Variants in SEC23A observed in about 807,000 individuals in gnomAD.
SEC23A encodes the protein SEC23 homolog A, COPII component, also known as protein transport protein Sec23A.
A neutral mutation model predicts 103.7 loss-of-function variants in SEC23A; 56 were observed. That is an observed-to-expected ratio of 0.54 (90% CI 0.44 to 0.67). SEC23A has a LOEUF of 0.67. Among genes scored for constraint, SEC23A ranks in the 30% least tolerant of loss-of-function variants. The probability of loss-of-function intolerance (pLI) is 0.00; values close to 1 mark genes in which losing one functional copy is unlikely to be tolerated. For synonymous variants in SEC23A, 281 were observed against 293.0 expected (o/e 0.96, Z 0.42); for missense variants, 784 against 936.4 (o/e 0.84, Z 2.12).
chr14:39,072,786 C>G (rs1886883166), intron 9 of SEC23A, among the ~76,000 whole-genome samples: 1 of 152,104 alleles, frequency 6.6e-6, no homozygotes, highest in South Asian at 2.1e-4. Context: ...GCACTCCAGC[C>G]TCAGTAACAG....
chr14:39,038,245 A>T (rs1422785791), intron 19 of SEC23A, among the ~76,000 whole-genome samples: 1 of 151,988 alleles, frequency 6.6e-6, no homozygotes, highest in Non-Finnish European at 1.5e-5. Flanking sequence ...CTTTTTTCTG[A>T]GCTCTTTTCT....
chr14:39,035,312 T>A (rs1203335261), intron 19 of SEC23A, among the ~76,000 whole-genome samples: 2 of 152,222 alleles, frequency 1.3e-5, no homozygotes, highest in Non-Finnish European at 2.9e-5. Flanking sequence ...ACCTGAGCAC[T>A]CTTATTTATG....
At chr14:39,096,594 C>T (rs1887901861) in intron 1 of SEC23A, among the ~76,000 whole-genome samples, 2 of 151,728 alleles carry the variant, frequency 1.3e-5, no homozygotes. Flanking sequence ...GCAAGCAACT[C>T]ATAACAAAAT....
At chr14:39,093,385 T>C (rs1201486635) in intron 2 of SEC23A, 141 bp from the exon 3 acceptor site, 2 of 631,280 alleles carry the variant, frequency 3.2e-6, no homozygotes, top group East Asian at 3.0e-5. Flanking sequence ...AAAAGCCATG[T>C]AGTTTTAGAT....
At chr14:39,083,826 C>T (rs543189816) in intron 7 of SEC23A, among the ~76,000 whole-genome samples, 10 of 151,254 alleles carry the variant, frequency 6.6e-5, no homozygotes, top group South Asian at 2.1e-4. Flanking sequence ...CGGCCTCCCA[C>T]GATGCTGGGA....
At chr14:39,098,004 G>A (rs1467056659) in intron 1 of SEC23A, among the ~76,000 whole-genome samples, 6 of 151,908 alleles carry the variant, frequency 3.9e-5, no homozygotes, top group Non-Finnish European at 7.4e-5. Context: ...CAGGAGAATC[G>A]CTTGAACTGG....
In SEC23A at chr14:39,075,953, A is replaced by T. The variant is rs777066571; in HGVS notation, c.969T>A (p.Tyr323Ter). The T allele has an allele frequency of 3.7e-6, 6 of 1,614,036 alleles. No homozygotes were observed. Among genetic ancestry groups the T allele is most frequent in the Non-Finnish European group, 5.1e-6 (6 of 1,179,958 alleles). The change falls in exon 8 of 20, where the codon TAT becomes TAA. Residue 323 changes from tyrosine (Y) to a stop codon, truncating the protein, a stop_gained. Transcript: ENST00000307712. LOFTEE classifies it high-confidence loss of function. The part of the protein sequence containing the change: ...WHDIDKDNAK[Y>*]VKKGTKHFEA... ...AAATTACCTTAGTTCCCTTTTTAACATATTTGGCATTGTCTTTGTCAATGT... is the reference window on the plus strand; with the variant it reads ...AAATTACCTTAGTTCCCTTTTTAACTTATTTGGCATTGTCTTTGTCAATGT...
chr14:39,038,961 AG>A (rs1445317832), intron 19 of SEC23A, 69 bp downstream of exon 19: 24 of 1,305,044 alleles, frequency 1.8e-5, no homozygotes. Context: ...AAAAAAATGT[AG>A]CTTTCACTAA....
rs775566333 is a variant in SEC23A, at chr14:39,045,151, T to A, written c.1899+12A>T. 6.4e-5 allele frequency: 103 copies of A among 1,612,424 alleles called. No homozygotes were observed. The highest frequency in any genetic ancestry group is 7.9e-5 in the Non-Finnish European group (93 of 1,178,860). On this transcript the variant is annotated intron_variant, in intron 16 of 19. Transcript: ENST00000307712. ...GTAACAAGACCAATTTATTTTTTTC[T>A]GTCCCTCTTACCTCTGGTGGTCCAC...
At chr14:39,047,336 C>G in intron 15 of SEC23A, 1 of 1,230,392 alleles carries the variant, frequency 8.1e-7, no homozygotes. Context: ...GTTTCTGCTA[C>G]AAAAATGACA....
At chr14:39,078,249 T>C (rs1887107379) in intron 7 of SEC23A, among the ~76,000 whole-genome samples, 1 of 151,840 alleles carries the variant, frequency 6.6e-6, no homozygotes, top group African/African-American at 2.4e-5. Flanking sequence ...AACTAGACTC[T>C]TGTCTCAAAA....
intron 2 of SEC23A, among the ~76,000 whole-genome samples, chr14:39,094,249 CATATACATATATATGCATAT>C (rs1566514309): frequency 1.8e-4 from 17 of 95,860 alleles, no homozygotes; most frequent in African/African-American, 6.5e-4. Flanking sequence ...CATATATACA[CATATACATATATATGCATAT>C]ATACACATAT....
intron 13 of SEC23A, among the ~76,000 whole-genome samples, chr14:39,061,516 C>T (rs1886477726): frequency 6.6e-6 from 1 of 151,960 alleles, no homozygotes; most frequent in Non-Finnish European, 1.5e-5. Flanking sequence ...TCTCCTCTCA[C>T]AGGAATGAGG....
At chr14:39,071,999 C>T (rs1233230800) in intron 9 of SEC23A, among the ~76,000 whole-genome samples, 1 of 151,364 alleles carries the variant, frequency 6.6e-6, no homozygotes, top group Admixed American at 6.6e-5. Flanking sequence ...TTTAGGAGGC[C>T]GAGGTGGGTG....
chr14:39,043,645 G>A (rs1197611179), intron 16 of SEC23A, among the ~76,000 whole-genome samples: 1 of 152,172 alleles, frequency 6.6e-6, no homozygotes, highest in East Asian at 1.9e-4. Flanking sequence ...CCAGAAGATT[G>A]ATCCCTTAAG....
chr14:39,097,459 A>C (rs1044489434), intron 1 of SEC23A, among the ~76,000 whole-genome samples: 1 of 152,230 alleles, frequency 6.6e-6, no homozygotes, highest in African/African-American at 2.4e-5. Context: ...TGGGACAAGA[A>C]GCTGATTCTA....
chr14:39,093,848 T>C (rs985215533), intron 2 of SEC23A, among the ~76,000 whole-genome samples: 3 of 152,150 alleles, frequency 2.0e-5, no homozygotes, highest in Admixed American at 6.6e-5. Context: ...CAGTAACATC[T>C]ACACTCAGAC....
chr14:39,080,562 C>G (rs184064144), intron 7 of SEC23A, among the ~76,000 whole-genome samples: 1 of 152,160 alleles, frequency 6.6e-6, no homozygotes, highest in East Asian at 1.9e-4. Context: ...TGTGCCACCG[C>G]CCCCGGCTAA....
intron 15 of SEC23A, among the ~76,000 whole-genome samples, chr14:39,046,740 T>G (rs149995998): frequency 4.6e-5 from 7 of 152,302 alleles, no homozygotes; most frequent in African/African-American, 1.7e-4. Flanking sequence ...ACTCCTCACA[T>G]GAAAGAAATC....
Sources: gnomAD v4.1 joint callset for allele counts (sites outside exome capture counted in the v4.1 genomes callset) on GRCh38, gnomAD v4.1.1 for gene constraint, MANE v1.5 for transcripts, NCBI Gene and HGNC (gene_info 2026-07-23, HGNC 2026-07-21) for gene names.